Variants in FRAS1 observed in about 807,000 individuals in gnomAD.
FRAS1 encodes the protein Fraser extracellular matrix complex subunit 1.
FRAS1 carries 290 observed loss-of-function variants against 435.2 expected under a neutral mutation model. That is an observed-to-expected ratio of 0.67 (90% CI 0.61 to 0.73). The LOEUF is 0.73. Ranked by LOEUF, FRAS1 falls within the 30% of genes least tolerant of loss-of-function variation. The pLI is 0.00. For synonymous variants in FRAS1, 1,800 were observed against 1,851.0 expected, an observed-to-expected ratio of 0.97 and a Z score of 0.71; for missense variants, 4,860 against 5,001.5, an observed-to-expected ratio of 0.97 and a Z score of 0.85.
In FRAS1 at chr4:78,095,845, C is replaced by T. The variant is rs1319556555; in HGVS notation, c.108+29829C>T. Among the ~76,000 whole-genome samples, 4 of 152,146 alleles carry T rather than the reference C, an allele frequency of 2.6e-5. 1 individual carries two copies. Among genetic ancestry groups the T allele is most frequent in the South Asian group, 2.1e-4 (1 of 4,832 alleles). ...GCTAAAAGATGAGATTTGGGTAGGG[C>T]CACAGAGTGAAACCATTATCATTCC... On this transcript the variant is annotated intron_variant, in intron 2 of 73. Coordinates refer to ENST00000512123, the MANE Select transcript of FRAS1 (RefSeq NM_025074.7).
chr4:78,296,431 G>A (rs563817862), intron 14 of FRAS1, among the ~76,000 whole-genome samples: 13 of 152,142 alleles, frequency 8.5e-5, no homozygotes, highest in African/African-American at 3.1e-4. Flanking sequence ...AATGGTGATG[G>A]CTCAGATCTC....
At chr4:78,275,550 AT>A (rs1262043508) in intron 9 of FRAS1, among the ~76,000 whole-genome samples, 2 of 152,136 alleles carry the variant, frequency 1.3e-5, no homozygotes, top group East Asian at 3.9e-4. Flanking sequence ...TCTCTAAAGG[AT>A]TTTATTTCTC....
rs1560731676 is a variant in FRAS1, at chr4:78,444,268, C to G, written c.5666-1254C>G. The G allele has an allele frequency of 9.3e-6, 4 of 431,634 alleles. No homozygotes were observed. The Admixed American group carries it at 1.0e-4, about 11-fold the overall frequency. The allele number at this position is 431,634 out of a possible 1,614,324, so 26.7% of individuals were successfully genotyped here. A position where few individuals can be genotyped will look rare whatever the true frequency, so the allele number is the denominator to read the frequency against. Reference sequence around the variant, plus strand: ...GAATTTTAGCCGTTCCTTCTGGAAACCCTGAACTGTATAGCCTAATGATTA... The same window carrying G: ...GAATTTTAGCCGTTCCTTCTGGAAAGCCTGAACTGTATAGCCTAATGATTA... On this transcript the variant is annotated intron_variant, in intron 41 of 73. Coordinates refer to ENST00000512123, the MANE Select transcript of FRAS1 (RefSeq NM_025074.7).
intron 18 of FRAS1, among the ~76,000 whole-genome samples, chr4:78,324,249 T>C (rs1295611733): frequency 6.6e-6 from 1 of 152,228 alleles, no homozygotes; most frequent in Non-Finnish European, 1.5e-5. Context: ...AAATTCAGGC[T>C]TTAGCAAGTT....
Position 78,515,780 on chromosome 4 carries a change from G to A in FRAS1, c.10175-19G>A, listed in dbSNP as rs183414935. ...TCCACAAACCAAGTTATCGTTCCTT[G>A]TTCTTCCCTCCCTGGCAGAGGCAGG... On this transcript the variant is annotated intron_variant, in intron 65 of 73. Coordinates refer to ENST00000512123, the MANE Select transcript of FRAS1 (RefSeq NM_025074.7). 7.4e-6 allele frequency: 12 copies of A among 1,611,290 alleles called. No individual in the cohort carries two copies. In the Admixed American group the frequency reaches 1.8e-4, roughly 25 times the overall value.
intron 25 of FRAS1, 86 bp downstream of exon 25, chr4:78,374,337 C>A: frequency 1.5e-6 from 2 of 1,327,704 alleles, no homozygotes; most frequent in Non-Finnish European, 2.0e-6. Flanking sequence ...TCCAAGAATA[C>A]TTAAATTAGA....
chr4:78,522,561 C>T lies in FRAS1; in HGVS notation c.10649-88C>T, dbSNP rs1721418488. The T allele has an allele frequency of 1.7e-5, 20 of 1,153,530 alleles. 2 individuals are homozygous for T. The South Asian group carries it at 2.7e-4, about 16-fold the overall frequency. 71.5% of individuals were successfully genotyped at this position (1,153,530 alleles called of 1,614,324 possible). On this transcript the variant is annotated intron_variant, in intron 68 of 73. Transcript: ENST00000512123. Reference sequence around the variant, plus strand: ...TTGAGAGAAGAACATTAATTCAGTTCTCAGGCTTTTGTGGGGCTCTACCAG... The same window carrying T: ...TTGAGAGAAGAACATTAATTCAGTTTTCAGGCTTTTGTGGGGCTCTACCAG...
rs922049155 is a variant in FRAS1, at chr4:78,472,848, T to C, written c.7522+518T>C. ...AAGCTTGTCAGGCTCCTCTAGACTTTTTTCAGGATTGACTTGACTGGGAGC... is the reference window on the plus strand; with the variant it reads ...AAGCTTGTCAGGCTCCTCTAGACTTCTTTCAGGATTGACTTGACTGGGAGC... On this transcript the variant is annotated intron_variant, in intron 52 of 73. Coordinates refer to ENST00000512123, the MANE Select transcript of FRAS1 (RefSeq NM_025074.7). Among the ~76,000 whole-genome samples the C allele has an allele frequency of 4.6e-5, 7 of 152,196 alleles. No homozygotes were observed. In the East Asian group the frequency reaches 1.3e-3, roughly 29 times the overall value.
intron 25 of FRAS1, 62 bp from the exon 26 acceptor site, chr4:78,375,677 T>A: frequency 6.9e-7 from 1 of 1,451,796 alleles, no homozygotes; most frequent in East Asian, 2.5e-5. Context: ...TGCAAGCCCT[T>A]TATTTCTTTG....
chr4:78,291,983 CA>C (rs1223381694), intron 14 of FRAS1, among the ~76,000 whole-genome samples: 1 of 152,134 alleles, frequency 6.6e-6, no homozygotes, highest in East Asian at 1.9e-4. Context: ...TTTTCAACTG[CA>C]AAATGGGGAC....
intron 40 of FRAS1, among the ~76,000 whole-genome samples, chr4:78,439,798 T>A (rs936655644): frequency 6.6e-6 from 1 of 152,064 alleles, no homozygotes; most frequent in Admixed American, 6.5e-5. Context: ...ACCTGGCTCT[T>A]GTCTTTAAAA....
Position 78,508,872 on chromosome 4 carries a change from T to C in FRAS1, c.9646T>C (p.Cys3216Arg), listed in dbSNP as rs1720935413. ...FPRYAVMKER[C>R]SEAGINQTSV... ...CAGATACGCTGTCATGAAGGAGCGC[T>C]GCAGTGAGGCCGGCATCAACCAGAC... Residue 3216 changes from cysteine to arginine, a missense_variant, in exon 63 of 74, where the codon TGC becomes CGC. By Grantham distance (180) the Cys-to-Arg change is radical (BLOSUM62 -3). Transcript: ENST00000512123. 1 of 1,613,868 alleles carries C rather than the reference T, an allele frequency of 6.2e-7. No individual in the cohort carries two copies. Among genetic ancestry groups the C allele is most frequent in the Non-Finnish European group, 8.5e-7 (1 of 1,179,848 alleles).
chr4:78,144,342 G>A (rs919288356), intron 2 of FRAS1, among the ~76,000 whole-genome samples: 1 of 152,034 alleles, frequency 6.6e-6, no homozygotes, highest in Admixed American at 6.6e-5. Flanking sequence ...TCTGTTATGT[G>A]ACTTTGGAGA....
At chr4:78,098,868 A>G (rs764116425) in intron 2 of FRAS1, among the ~76,000 whole-genome samples, 3 of 152,194 alleles carry the variant, frequency 2.0e-5, no homozygotes, top group Non-Finnish European at 4.4e-5. Context: ...GCTAAGCCCA[A>G]ATGAATCTCT....
intron 2 of FRAS1, among the ~76,000 whole-genome samples, chr4:78,225,980 C>A (rs1206744651): frequency 1.3e-5 from 2 of 152,004 alleles, no homozygotes; most frequent in Admixed American, 6.6e-5. Flanking sequence ...TTCTTTTTGT[C>A]TTTGAATCAA....
intron 18 of FRAS1, among the ~76,000 whole-genome samples, chr4:78,332,398 C>G (rs1430780864): frequency 6.6e-6 from 1 of 152,218 alleles, no homozygotes; most frequent in Non-Finnish European, 1.5e-5. Context: ...CAACTATCCC[C>G]TTTATCATTA....
intron 5 of FRAS1, among the ~76,000 whole-genome samples, chr4:78,254,209 A>T (rs1236533525): frequency 2.0e-5 from 3 of 152,174 alleles, no homozygotes; most frequent in Non-Finnish European, 2.9e-5. Flanking sequence ...GGTAGTGTAT[A>T]CCGTATAATA....
intron 31 of FRAS1, among the ~76,000 whole-genome samples, chr4:78,410,686 G>A (rs1578306539): frequency 6.6e-6 from 1 of 152,298 alleles, no homozygotes; most frequent in East Asian, 1.9e-4. Context: ...CTAAGGTCTG[G>A]TGAGAAAAAC....
chr4:78,498,094 G>A (rs1720558539), intron 60 of FRAS1, among the ~76,000 whole-genome samples: 1 of 152,346 alleles, frequency 6.6e-6, no homozygotes, highest in East Asian at 1.9e-4. Flanking sequence ...CTGTTGACAG[G>A]GACGGGGGCC....
Sources: gnomAD v4.1 joint callset for allele counts (sites outside exome capture counted in the v4.1 genomes callset) on GRCh38, gnomAD v4.1.1 for gene constraint, MANE v1.5 for transcripts, NCBI Gene and HGNC (gene_info 2026-07-23, HGNC 2026-07-21) for gene names.